The following PRKN variants were observed in gnomAD, a reference collection of about 807,000 sequenced individuals.
PRKN encodes the protein parkin RBR E3 ubiquitin protein ligase, also known as E3 ubiquitin-protein ligase parkin.
In PRKN, 56 loss-of-function variants were observed where a neutral mutation model predicts 59.5. The observed-to-expected ratio is 0.94, with a 90% CI of 0.76 to 1.18. The LOEUF is 1.18. Among genes scored for constraint, PRKN ranks in the 50% most tolerant of loss-of-function variants. PRKN has a pLI of 0.00. For synonymous variants in PRKN, 250 were observed against 222.1 expected (o/e 1.13, Z -1.12); for missense variants, 657 against 596.4 (o/e 1.10, Z -1.06).
intron 7 of PRKN, among the ~76,000 whole-genome samples, chr6:161,672,424 C>T (rs1026150272): frequency 6.6e-6 from 1 of 152,126 alleles, no homozygotes; most frequent in South Asian, 2.1e-4. Context: ...TTTCACTGAA[C>T]TATGATATGG....
chr6:161,506,854 T>A (rs482845), intron 9 of PRKN, among the ~76,000 whole-genome samples: 121,311 of 152,212 alleles, frequency 0.8, 48,605 homozygotes, highest in Middle Eastern at 0.87. Flanking sequence ...TACCAAAAAG[T>A]CAATTTGGGG....
Position 161,580,942 on chromosome 6 carries a change from CT to C in PRKN, c.872-11527del, listed in dbSNP as rs144776572. On this transcript the variant is annotated intron_variant, in intron 7 of 11. Transcript: ENST00000366898. ...ATCATCCAGACATGGTGGCTCACAC[CT>C]GTAATCCCAGCACTTTGGGAGGCCA... 9.5e-4 allele frequency among the ~76,000 whole-genome samples: 145 copies of C among 152,062 alleles called. 1 individual carries two copies. In the East Asian group the frequency reaches 0.024, roughly 25 times the overall value.
In PRKN at chr6:161,499,448, A is replaced by G. The variant is rs143066158; in HGVS notation, c.1083+49406T>C. The stretch of plus-strand genomic sequence containing the variant: ...CTAAGTATGAAAGTGAAAAGCTAAG[A>G]TCAGTGTTTCCCACCCCTCATTTCT... On this transcript the variant is annotated intron_variant, in intron 9 of 11. Coordinates refer to ENST00000366898, the MANE Select transcript of PRKN (RefSeq NM_004562.3). This position sits in a 1 kb window ranked among gnomAD's most constrained non-coding sequence, Gnocchi z 4.2. 8.3e-4 allele frequency among the ~76,000 whole-genome samples: 126 copies of G among 152,318 alleles called. No homozygotes were observed. The highest frequency in any genetic ancestry group is 2.9e-3 in the African/African-American group (122 of 41,572).
intron 6 of PRKN, among the ~76,000 whole-genome samples, chr6:161,936,578 G>A (rs932288627): frequency 5.9e-5 from 9 of 151,986 alleles, no homozygotes; most frequent in Non-Finnish European, 1.0e-4. Flanking sequence ...TAAAGAAAAC[G>A]TCTGCTTATT....
chr6:162,467,516 C>T (rs1244123460), intron 1 of PRKN, among the ~76,000 whole-genome samples: 2 of 152,116 alleles, frequency 1.3e-5, no homozygotes, highest in African/African-American at 4.8e-5. Context: ...CCCTTTATCC[C>T]TATCATTGAG....
intron 7 of PRKN, among the ~76,000 whole-genome samples, chr6:161,759,128 G>A (rs952839861): frequency 6.6e-6 from 1 of 151,638 alleles, no homozygotes; most frequent in African/African-American, 2.4e-5. Context: ...AGTGAGCTGA[G>A]ATTGCACCAC....
intron 2 of PRKN, among the ~76,000 whole-genome samples, chr6:162,274,644 C>T (rs1350085747): frequency 6.6e-6 from 1 of 152,192 alleles, no homozygotes; most frequent in Non-Finnish European, 1.5e-5. Flanking sequence ...CAAGTTCCCT[C>T]ACCCATCTCT....
intron 6 of PRKN, among the ~76,000 whole-genome samples, chr6:161,909,299 AAAG>A (rs1347890767): frequency 1.8e-4 from 27 of 152,178 alleles, no homozygotes; most frequent in African/African-American, 6.3e-4. Flanking sequence ...ACCAAAATTT[AAAG>A]AAGGTGACTT....
intron 5 of PRKN, among the ~76,000 whole-genome samples, chr6:162,036,540 C>T (rs888716394): frequency 6.6e-6 from 1 of 151,142 alleles, no homozygotes; most frequent in Non-Finnish European, 1.5e-5. Flanking sequence ...CCACCACGCT[C>T]GGCTAATTTT....
rs1791009145 is a variant in PRKN, at chr6:161,475,241, A to G, written c.1083+73613T>C. 1.3e-5 allele frequency among the ~76,000 whole-genome samples: 2 copies of G among 152,122 alleles called. No homozygotes were observed. The highest frequency in any genetic ancestry group is 1.3e-4 in the Admixed American group (2 of 15,264). On this transcript the variant is annotated intron_variant, in intron 9 of 11. Coordinates refer to ENST00000366898, the MANE Select transcript of PRKN (RefSeq NM_004562.3). The surrounding 1 kb of genome is among the most constrained non-coding windows in gnomAD (Gnocchi z 5.3). ...GCATGTGATCGCTGCTGTCCTATCA[A>G]CTGGTGTGATGGAGCTGCCAACTTG...
chr6:161,472,489 T>C (rs1323721139), intron 9 of PRKN, among the ~76,000 whole-genome samples: 1 of 152,174 alleles, frequency 6.6e-6, no homozygotes, highest in Non-Finnish European at 1.5e-5. Flanking sequence ...CCTTAGCTTG[T>C]ATCATACACA....
At chr6:162,389,365 T>C (rs1207430842) in intron 2 of PRKN, among the ~76,000 whole-genome samples, 2 of 152,096 alleles carry the variant, frequency 1.3e-5, no homozygotes, top group African/African-American at 2.4e-5. Flanking sequence ...GGGGAAATAA[T>C]CAGTAATTCT....
At position 161,946,854 on chromosome 6, in the gene PRKN, G is replaced by A. The variant is rs139665542; in HGVS notation, c.734+26448C>T. On this transcript the variant is annotated intron_variant, in intron 6 of 11. Transcript: ENST00000366898. ...ACAATGGAATGTATACTCTGCAGCC[G>A]TTGTGATAAATCAAGTATGTCCATA... Among the ~76,000 whole-genome samples, 76 of 152,298 alleles carry A rather than the reference G, an allele frequency of 5.0e-4. 2 individuals are homozygous for A. In the East Asian group the frequency reaches 0.011, roughly 23 times the overall value.
chr6:162,356,275 G>A, intron 2 of PRKN, among the ~76,000 whole-genome samples: 1 of 152,102 alleles, frequency 6.6e-6, no homozygotes, highest in East Asian at 1.9e-4. Context: ...ACTGAAAGAT[G>A]CTAATCTTTC....
At chr6:161,993,848 G>A (rs1781740730) in intron 5 of PRKN, among the ~76,000 whole-genome samples, 1 of 152,200 alleles carries the variant, frequency 6.6e-6, no homozygotes, top group Non-Finnish European at 1.5e-5. Context: ...GAAACAGCAT[G>A]TGCAGAGATC....
intron 4 of PRKN, among the ~76,000 whole-genome samples, chr6:162,072,958 C>A (rs1582991464): frequency 6.6e-6 from 1 of 152,292 alleles, no homozygotes; most frequent in Non-Finnish European, 1.5e-5. Flanking sequence ...TAGAGAAAGA[C>A]TCAGAAGATC....
At chr6:161,886,241 C>T (rs9364621) in intron 6 of PRKN, among the ~76,000 whole-genome samples, 64,202 of 151,894 alleles carry the variant, frequency 0.42, 13,693 homozygotes, top group African/African-American at 0.49. Context: ...TGCATGAATT[C>T]GACGAAATAC....
intron 7 of PRKN, among the ~76,000 whole-genome samples, chr6:161,617,176 T>C (rs995111782): frequency 1.3e-5 from 2 of 152,264 alleles, no homozygotes; most frequent in Admixed American, 6.5e-5. Context: ...TGAGCTTTTT[T>C]TCATATGCTT....
At chr6:161,509,942 A>G (rs931916023) in intron 9 of PRKN, among the ~76,000 whole-genome samples, 4 of 151,852 alleles carry the variant, frequency 2.6e-5, no homozygotes, top group Non-Finnish European at 5.9e-5. Context: ...TAAATATAAA[A>G]TGGCTTAATT....
Sources: allele counts gnomAD v4.1 joint callset (sites outside exome capture counted in the v4.1 genomes callset), GRCh38; gene constraint gnomAD v4.1.1; non-coding constraint Gnocchi (gnomAD v3.1); transcripts MANE v1.5; gene names NCBI Gene and HGNC (gene_info 2026-07-23, HGNC 2026-07-21).